The following FRY variants were observed in gnomAD, a reference collection of about 807,000 sequenced individuals.
FRY encodes FRY microtubule binding protein.
A neutral mutation model predicts 348.4 loss-of-function variants in FRY; 128 were observed. The observed-to-expected ratio is 0.37, with a 90% CI of 0.32 to 0.43. FRY has a LOEUF of 0.43. Ranked by LOEUF, FRY falls within the 20% of genes least tolerant of loss-of-function variation. FRY has a pLI of 1.00. For synonymous variants in FRY, 1,370 were observed against 1,374.7 expected, an observed-to-expected ratio of 1.00 and a Z score of 0.08; for missense variants, 2,736 against 3,695.2, an observed-to-expected ratio of 0.74 and a Z score of 6.73.
intron 57 of FRY, 113 bp downstream of exon 57, chr13:32,276,675 T>G (rs536249394): frequency 4.5e-5 from 33 of 739,790 alleles, no homozygotes; most frequent in South Asian, 2.8e-4. Flanking sequence ...CTTCATCTTT[T>G]CCTTTGTTAA....
intron 1 of FRY, among the ~76,000 whole-genome samples, chr13:32,051,437 A>C (rs1454909494): frequency 6.6e-6 from 1 of 152,220 alleles, no homozygotes; most frequent in Non-Finnish European, 1.5e-5. Flanking sequence ...AACCCTACAG[A>C]CATTTGCCAG....
intron 35 of FRY, among the ~76,000 whole-genome samples, chr13:32,215,029 A>C (rs184520399): frequency 6.6e-6 from 1 of 152,368 alleles, no homozygotes; most frequent in Non-Finnish European, 1.5e-5. Flanking sequence ...CTTATAGCTT[A>C]AGTGAAAGAA....
Position 32,212,300 on chromosome 13 carries a change from T to A in FRY, c.4600T>A (p.Ser1534Thr), listed in dbSNP as rs776850261. 8 of 1,602,320 alleles carry A rather than the reference T, an allele frequency of 5.0e-6. No individual in the cohort carries two copies. The highest frequency in any genetic ancestry group is 2.2e-5 in the East Asian group (1 of 44,732). Residue 1534 changes from serine (S) to threonine (T), a missense_variant, in exon 35 of 61, where the codon TCT becomes ACT. Physicochemically the swap from Ser to Thr is moderately conservative, Grantham distance 58 (BLOSUM62 1). This residue lies in a region of FRY where 794 missense variants were observed against 977.0 expected (regional missense o/e 0.81). Transcript: ENST00000542859. ...TCCATTCCCATCTACAGGAACCACC[T>A]CTAGCAGCAATACAGTGGTTGCTGG... The part of the protein sequence containing the change: ...KASAAASGTT[S>T]SSNTVVAGQE...
rs3065538 is a variant in FRY, at chr13:32,082,221, T to TAAA, written c.270+3203_270+3205dup. ...TTTGCAATATCCAGATAGCCAACTT[T>TAAA]AAAAAAAAAAAAAAAAACAGGAAAT... On this transcript the variant is annotated intron_variant, in intron 2 of 60. Transcript: ENST00000542859. Among the ~76,000 whole-genome samples, 1,031 of 140,742 alleles carry TAAA rather than the reference T, an allele frequency of 7.3e-3. 10 individuals carry two copies. The highest frequency in any genetic ancestry group is 0.023 in the East Asian group (112 of 4,880). The allele number at this position is 140,742 out of a possible 152,430, so 92.3% of individuals were successfully genotyped here.
chr13:32,252,743 G>T (rs928766642), intron 50 of FRY, among the ~76,000 whole-genome samples: 1 of 151,264 alleles, frequency 6.6e-6, no homozygotes, highest in African/African-American at 2.4e-5. Flanking sequence ...TCATGAGCAG[G>T]TGAAATATTA....
intron 6 of FRY, 38 bp from the exon 7 acceptor site, chr13:32,124,756 AC>A: frequency 6.5e-7 from 1 of 1,549,240 alleles, no homozygotes; most frequent in Non-Finnish European, 8.9e-7. Flanking sequence ...TTTTCCGATG[AC>A]CAGGGATCCC....
At chr13:32,235,853 A>T (rs1027765946) in intron 42 of FRY, among the ~76,000 whole-genome samples, 1 of 152,178 alleles carries the variant, frequency 6.6e-6, no homozygotes. Flanking sequence ...TTCAAATGAA[A>T]GTGATCTGTT....
At chr13:32,179,619 A>G in intron 22 of FRY, 56 bp from the exon 23 acceptor site, 1 of 1,597,496 alleles carries the variant, frequency 6.3e-7, no homozygotes, top group South Asian at 1.1e-5. Context: ...CCTTTGATTA[A>G]AGGAACCATC....
At chr13:32,057,947 G>A (rs889183373) in intron 1 of FRY, among the ~76,000 whole-genome samples, 1 of 141,988 alleles carries the variant, frequency 7.0e-6, no homozygotes. Context: ...GCAACAGAGC[G>A]AGACTCCGTC....
intron 23 of FRY, among the ~76,000 whole-genome samples, chr13:32,182,333 C>T (rs889327506): frequency 2.0e-5 from 3 of 152,150 alleles, no homozygotes; most frequent in African/African-American, 7.2e-5. Context: ...ATTTTTACTA[C>T]ATAAAAGAAA....
At chr13:32,188,720 T>C (rs1566119902) in intron 28 of FRY, among the ~76,000 whole-genome samples, 2 of 152,228 alleles carry the variant, frequency 1.3e-5, no homozygotes, top group South Asian at 2.1e-4. Context: ...GTAGCCATTG[T>C]TTTTATTGTG....
chr13:32,289,680 A>G lies in FRY; in HGVS notation c.8517A>G (p.Leu2839=), dbSNP rs758586150. ...QRLYKLHFQL[L]LLFQSYCKLI... The stretch of plus-strand genomic sequence containing the variant: ...TATATAAGCTACACTTCCAGCTGCT[A>G]TTGCTTTTTCAGTCCTACTGTAAGC... Residue 2839 remains leucine, a synonymous_variant, in exon 59 of 61, where the codon CTA becomes CTG. Transcript: ENST00000542859. 1 of 1,613,092 alleles carries G rather than the reference A, an allele frequency of 6.2e-7. No homozygotes were observed. The highest frequency in any genetic ancestry group is 1.7e-5 in the Admixed American group (1 of 60,012).
intron 51 of FRY, among the ~76,000 whole-genome samples, chr13:32,256,890 C>T (rs1887367188): frequency 1.3e-5 from 2 of 152,176 alleles, no homozygotes; most frequent in Admixed American, 1.3e-4. Context: ...TGAACACTAA[C>T]ATGACATCAC....
Position 32,135,157 on chromosome 13 carries a change from C to G in FRY, c.1051C>G (p.Leu351Val), listed in dbSNP as rs767815672. 1 of 1,609,992 alleles carries G rather than the reference C, an allele frequency of 6.2e-7. No homozygotes were observed. The highest frequency in any genetic ancestry group is 1.7e-5 in the Admixed American group (1 of 59,990). Residue 351 changes from leucine (L) to valine (V), a missense_variant, in exon 10 of 61, where the codon CTT (leucine) becomes GTT (valine). By Grantham distance (32) the Leu-to-Val change is conservative (BLOSUM62 1). This residue lies in a region of FRY where 191 missense variants were observed against 370.2 expected (regional missense o/e 0.52). Coordinates refer to ENST00000542859, the MANE Select transcript of FRY (RefSeq NM_023037.3). ...VESLYDTTLE[L>V]SSRKKHSLAL... is the part of the protein sequence containing the mutation. ...AAGCCTGTATGACACCACGCTGGAA[C>G]TTTCTTCTCGAAAGAAGCATTCCTT...
intron 7 of FRY, among the ~76,000 whole-genome samples, chr13:32,129,451 C>G (rs1375641414): frequency 5.9e-5 from 9 of 151,908 alleles, no homozygotes; most frequent in Non-Finnish European, 1.3e-4. Flanking sequence ...AATTAATATA[C>G]CATTTTGTAG....
Position 32,184,636 on chromosome 13 carries a change from C to T in FRY, c.3091C>T (p.Leu1031=), listed in dbSNP as rs1882913725. Residue 1031 remains leucine (L), a synonymous_variant, in exon 25 of 61, where the codon CTA becomes TTA. Coordinates refer to ENST00000542859, the MANE Select transcript of FRY (RefSeq NM_023037.3). ...KRRERRDLLR[L]QLLRIFELLA... Reference sequence around the variant, plus strand: ...CCGAGAACGGCGAGACTTGTTAAGGCTACAACTACTTCGAATTTTTGAACT... The same window carrying T: ...CCGAGAACGGCGAGACTTGTTAAGGTTACAACTACTTCGAATTTTTGAACT... 1 of 1,613,582 alleles carries T rather than the reference C, an allele frequency of 6.2e-7. No individual in the cohort carries two copies. The highest frequency in any genetic ancestry group is 8.5e-7 in the Non-Finnish European group (1 of 1,179,570).
chr13:32,209,220 G>C, intron 32 of FRY, 111 bp downstream of exon 32: 1 of 1,199,978 alleles, frequency 8.3e-7, no homozygotes, highest in South Asian at 1.2e-5. Flanking sequence ...CACATGACTG[G>C]GGATAAATAG....
chr13:32,286,650 G>A (rs1889070667), intron 58 of FRY, among the ~76,000 whole-genome samples: 1 of 148,748 alleles, frequency 6.7e-6, no homozygotes, highest in African/African-American at 2.5e-5. Context: ...GGGAGGCTGA[G>A]GCAAGAGAAT....
intron 39 of FRY, among the ~76,000 whole-genome samples, chr13:32,226,294 A>T (rs2138416049): frequency 6.6e-6 from 1 of 152,332 alleles, no homozygotes; most frequent in Middle Eastern, 3.4e-3. Flanking sequence ...ACACCGAAGG[A>T]TGAGAACACA....
Sources: gnomAD v4.1 joint callset for allele counts (sites outside exome capture counted in the v4.1 genomes callset) on GRCh38, gnomAD v4.1.1 for gene constraint, gnomAD v4.1.1 regional missense constraint, MANE v1.5 for transcripts, NCBI Gene and HGNC (gene_info 2026-07-23, HGNC 2026-07-21) for gene names.